Variants in PRDM2 observed in about 807,000 individuals in gnomAD.
The protein encoded by PRDM2 is PR/SET domain 2.
A neutral mutation model predicts 130.0 loss-of-function variants in PRDM2; 30 were observed. The observed-to-expected ratio is 0.23, with a 90% confidence interval of 0.17 to 0.31. The LOEUF is 0.31. Ranked by LOEUF, PRDM2 falls within the 10% of genes least tolerant of loss-of-function variation. PRDM2 has a pLI of 1.00. For synonymous variants in PRDM2, 871 were observed against 782.4 expected (o/e 1.11, Z -1.89); for missense variants, 2,011 against 2,108.4 (o/e 0.95, Z 0.90).
intron 6 of PRDM2, among the ~76,000 whole-genome samples, chr1:13,767,015 G>T (rs142863987): frequency 7.8e-4 from 119 of 152,264 alleles, no homozygotes; most frequent in African/African-American, 2.9e-3. Context: ...TTTTTCATGT[G>T]ACGCTTTAGG....
chr1:13,816,330 G>T, intron 8 of PRDM2, 97 bp from the exon 9 acceptor site: 1 of 1,471,338 alleles, frequency 6.8e-7, no homozygotes, highest in Non-Finnish European at 9.3e-7. Flanking sequence ...TCCTGGCCTG[G>T]GAAGTGGTGA....
At chr1:13,809,783 G>A (rs1645141701) in intron 8 of PRDM2, among the ~76,000 whole-genome samples, 1 of 152,162 alleles carries the variant, frequency 6.6e-6, no homozygotes, top group Non-Finnish European at 1.5e-5. Context: ...CATGACTCTG[G>A]GCAAGTTGTC....
intron 1 of PRDM2, among the ~76,000 whole-genome samples, chr1:13,714,609 A>T (rs1486495538): frequency 6.6e-6 from 1 of 152,246 alleles, no homozygotes; most frequent in Non-Finnish European, 1.5e-5. Flanking sequence ...GTGGGTAGGC[A>T]GTAGGAAGAA....
chr1:13,805,839 A>T (rs1256947595), intron 8 of PRDM2, among the ~76,000 whole-genome samples: 2 of 152,168 alleles, frequency 1.3e-5, no homozygotes, highest in Non-Finnish European at 2.9e-5. Context: ...CAGGATGCCC[A>T]TGGCGGTCTG....
intron 8 of PRDM2, among the ~76,000 whole-genome samples, chr1:13,809,756 A>T (rs1645141498): frequency 1.3e-5 from 2 of 152,300 alleles, no homozygotes; most frequent in Admixed American, 6.5e-5. Context: ...CCGTGTTCAG[A>T]TCCTAATCTC....
intron 8 of PRDM2, among the ~76,000 whole-genome samples, chr1:13,804,090 C>T (rs779771322): frequency 5.9e-5 from 9 of 152,308 alleles, no homozygotes; most frequent in Non-Finnish European, 1.2e-4. Context: ...CTTAACCTCT[C>T]TGTGTTGCTG....
rs920086598 is a variant in PRDM2, at chr1:13,773,092, C to A, written c.526C>A (p.Gln176Lys). 1.3e-6 allele frequency: 2 copies of A among 1,534,550 alleles called. No homozygotes were observed. The highest frequency in any genetic ancestry group is 8.7e-7 in the Non-Finnish European group (1 of 1,145,500). Reference protein sequence around the residue: ...PKSRKGKKKSQENKNKGNKIQ... With the variant: ...PKSRKGKKKSKENKNKGNKIQ... ...TTGTGTTTCAGGGAAGAAAAAATCC[C>A]AGGAAAATAAAAACAAAGGAAACAA... is the stretch of plus-strand genomic sequence containing the variant. The change falls in exon 7 of 10, where the codon CAG becomes AAG. Residue 176 changes from glutamine (Q) to lysine (K), a missense_variant. Transcript: ENST00000311066.
intron 8 of PRDM2, among the ~76,000 whole-genome samples, chr1:13,792,335 G>A (rs1644853423): frequency 6.6e-6 from 1 of 152,152 alleles, no homozygotes; most frequent in Admixed American, 6.5e-5. Flanking sequence ...ACAGTTATGG[G>A]TATTTTAATT....
intron 6 of PRDM2, among the ~76,000 whole-genome samples, chr1:13,753,275 G>A (rs996635559): frequency 6.6e-6 from 1 of 152,182 alleles, no homozygotes; most frequent in Non-Finnish European, 1.5e-5. Context: ...TTACAAAATC[G>A]GTAATGAATT....
intron 2 of PRDM2, among the ~76,000 whole-genome samples, chr1:13,716,191 A>G (rs899975706): frequency 3.3e-5 from 5 of 151,868 alleles, no homozygotes; most frequent in Non-Finnish European, 5.9e-5. Flanking sequence ...TCAGTAAACT[A>G]TCGCAAGAAC....
intron 8 of PRDM2, among the ~76,000 whole-genome samples, chr1:13,801,191 G>T (rs1392049407): frequency 4.6e-5 from 7 of 152,206 alleles, no homozygotes; most frequent in Non-Finnish European, 1.0e-4. Flanking sequence ...GCAAGGGGAG[G>T]GTTCAGGCCA....
chr1:13,721,778 G>A (rs955309622), intron 2 of PRDM2, among the ~76,000 whole-genome samples: 2 of 152,148 alleles, frequency 1.3e-5, no homozygotes, highest in Admixed American at 1.3e-4. Context: ...AAAAAGCTGT[G>A]GGACTGTTTT....
At chr1:13,707,401 T>C (rs1642242357) in intron 1 of PRDM2, among the ~76,000 whole-genome samples, 3 of 152,240 alleles carry the variant, frequency 2.0e-5, no homozygotes, top group African/African-American at 7.2e-5. Context: ...CAACTGAGGA[T>C]TCATTTTGTT....
At chr1:13,770,253 C>T in intron 6 of PRDM2, 1 of 444,500 alleles carries the variant, frequency 2.2e-6, no homozygotes, top group Non-Finnish European at 4.4e-6. Context: ...CAATAAAGGA[C>T]ATTTGACATT....
intron 9 of PRDM2, among the ~76,000 whole-genome samples, chr1:13,818,372 C>G (rs1328084536): frequency 7.8e-6 from 1 of 127,710 alleles, no homozygotes; most frequent in Non-Finnish European, 1.6e-5. Context: ...CCTCACTTCT[C>G]TCTTTCCTTT....
At chr1:13,787,692 T>C (rs1644769504) in intron 8 of PRDM2, 2 of 983,836 alleles carry the variant, frequency 2.0e-6, no homozygotes, top group African/African-American at 1.7e-5. Context: ...TTGTATTATA[T>C]GTGATTTACA....
intron 2 of PRDM2, among the ~76,000 whole-genome samples, chr1:13,723,945 G>A (rs1569745552): frequency 6.6e-6 from 1 of 152,240 alleles, no homozygotes; most frequent in East Asian, 1.9e-4. Flanking sequence ...CTCTGGAGAG[G>A]TGATTAACCA....
chr1:13,750,738 GA>G (rs1213776266), intron 6 of PRDM2, among the ~76,000 whole-genome samples: 1 of 151,110 alleles, frequency 6.6e-6, no homozygotes, highest in African/African-American at 2.4e-5. Context: ...AAATGCTTTT[GA>G]TCCTGAATCA....
In PRDM2 at chr1:13,721,933, C is replaced by T. The variant is rs147623446; in HGVS notation, c.9+6319C>T. ...TAAATGGGGACAGTAATGGTGCCTA[C>T]CCCGTGTGGTTGCAGTCAATAGTAA... On this transcript the variant is annotated intron_variant, in intron 2 of 9. Coordinates refer to ENST00000311066, the MANE Select transcript of PRDM2 (RefSeq NM_001393986.1). Among the ~76,000 whole-genome samples the T allele has an allele frequency of 3.5e-3, 539 of 152,290 alleles. 4 individuals are homozygous for T. Among genetic ancestry groups the T allele is most frequent in the African/African-American group, 0.012 (501 of 41,566 alleles).
Sources: gnomAD v4.1 joint callset for allele counts (sites outside exome capture counted in the v4.1 genomes callset) on GRCh38, gnomAD v4.1.1 for gene constraint, MANE v1.5 for transcripts, NCBI Gene and HGNC (gene_info 2026-07-23, HGNC 2026-07-21) for gene names.